The following MFN2 variants were observed in gnomAD, a reference collection of about 807,000 sequenced individuals.
The protein encoded by MFN2 is mitofusin-2.
In MFN2, 43 loss-of-function variants were observed where a neutral mutation model predicts 87.5. The observed-to-expected ratio is 0.49, with a 90% confidence interval of 0.38 to 0.63. The LOEUF (loss-of-function observed/expected upper bound fraction) is 0.63. MFN2 is among the 30% of genes least tolerant of loss of function. MFN2 has a pLI of 0.00. For synonymous variants in MFN2, 337 were observed against 359.9 expected (o/e 0.94, Z 0.72); for missense variants, 743 against 972.8 (o/e 0.76, Z 3.14).
In MFN2 at chr1:12,005,852, C is replaced by G; in HGVS notation, c.1637C>G (p.Ser546Cys). 1.2e-6 allele frequency: 2 copies of G among 1,614,218 alleles called. No homozygotes were observed. Among genetic ancestry groups the G allele is most frequent in the Non-Finnish European group, 1.7e-6 (2 of 1,180,046 alleles). ...DFQEDIEFHF[S>C]LGWTMLVNRF... is the part of the protein sequence containing the mutation. Reference sequence around the variant, plus strand: ...CAGGAAGACATTGAGTTCCATTTCTCTCTCGGATGGACCATGCTGGTGAAT... The same window carrying G: ...CAGGAAGACATTGAGTTCCATTTCTGTCTCGGATGGACCATGCTGGTGAAT... The change falls in exon 15 of 19, where the codon TCT becomes TGT. Residue 546 changes from serine to cysteine, a missense_variant. Ser to Cys is a moderately radical substitution (Grantham distance 112). This residue lies in a region of MFN2 where 571 missense variants were observed against 670.7 expected (regional missense o/e 0.85). Transcript: ENST00000235329.
chr1:12,010,015 G>T (rs1242102716), intron 18 of MFN2, among the ~76,000 whole-genome samples: 12 of 152,206 alleles, frequency 7.9e-5, no homozygotes. Flanking sequence ...TTAGCTGGTC[G>T]TGGTGGTGTG....
rs776248244 is a variant in MFN2, at chr1:11,980,503, C to T, written c.-150+19C>T. ...GGTGAAGGTGAGAGGGCGAGCAAGC[C>T]GGGGTGGCGGGGACTGGCCCGGCCC... On this transcript the variant is annotated intron_variant, in intron 1 of 18. Coordinates refer to ENST00000235329, the MANE Select transcript of MFN2 (RefSeq NM_014874.4). 30 of 398,134 alleles carry T rather than the reference C, an allele frequency of 7.5e-5. No individual in the cohort carries two copies. The highest frequency in any genetic ancestry group is 4.5e-4 in the African/African-American group (22 of 48,594). The allele number at this position is 398,134 out of a possible 1,614,324, so 24.7% of individuals were successfully genotyped here.
rs2100832631 is a variant in MFN2 at position 11,999,047 on chromosome 1, G to A, written c.768G>A (p.Leu256=). 6.2e-7 allele frequency: 1 copy of A among 1,614,154 alleles called. No individual in the cohort carries two copies. The highest frequency in any genetic ancestry group is 1.6e-4 in the Middle Eastern group (1 of 6,062). The change falls in exon 8 of 19, where the codon CTG becomes CTA. Residue 256 remains leucine (L), a synonymous_variant. Coordinates refer to ENST00000235329, the MANE Select transcript of MFN2 (RefSeq NM_014874.4). ...ERLSRPNIFI[L]NNRWDASASE... is the part of the protein sequence containing the mutation. ...TCTCCCGGCCAAACATCTTCATCCT[G>A]AACAACCGCTGGGATGCATCTGCCT...
In MFN2 at chr1:12,004,738, G is replaced by T; in HGVS notation, c.1393-87G>T. The T allele has an allele frequency of 6.6e-7, 1 of 1,508,872 alleles. No individual in the cohort carries two copies. Among genetic ancestry groups the T allele is most frequent in the Middle Eastern group, 1.7e-4 (1 of 5,842 alleles). The allele number at this position is 1,508,872 out of a possible 1,614,324, so 93.5% of individuals were successfully genotyped here. A position where few individuals can be genotyped will look rare whatever the true frequency, so the allele number is the denominator to read the frequency against. On this transcript the variant is annotated intron_variant, in intron 13 of 18. Coordinates refer to ENST00000235329, the MANE Select transcript of MFN2 (RefSeq NM_014874.4). The surrounding 1 kb of genome is among the most constrained non-coding windows in gnomAD (Gnocchi z 4.2). ...CCACAGAGACAAGGCCCAGGCTTCCGTCAGCCTTCTGGGGTCACCTGGTGG... is the reference window on the plus strand; with the variant it reads ...CCACAGAGACAAGGCCCAGGCTTCCTTCAGCCTTCTGGGGTCACCTGGTGG...
intron 5 of MFN2, among the ~76,000 whole-genome samples, chr1:11,996,918 A>T (rs898903694): frequency 2.0e-5 from 3 of 152,042 alleles, no homozygotes; most frequent in Admixed American, 2.0e-4. Flanking sequence ...GGCACCTGTA[A>T]TCCCAGCTAG....
Position 12,006,978 on chromosome 1 carries a change from C to G in MFN2, c.1873-75C>G, listed in dbSNP as rs993803563. On this transcript the variant is annotated intron_variant, in intron 16 of 18. Transcript: ENST00000235329. The stretch of plus-strand genomic sequence containing the variant: ...TCCTTGGCTGGGGCCCTTCAGATGG[C>G]CCTGGTAGTGATGGGCCCCAGAGGA... The G allele has an allele frequency of 4.5e-6, 7 of 1,571,122 alleles. No homozygotes were observed. The African/African-American group carries it at 8.1e-5, about 18-fold the overall frequency.
chr1:12,002,701 G>C (rs1263825026), intron 11 of MFN2, among the ~76,000 whole-genome samples: 2 of 152,100 alleles, frequency 1.3e-5, no homozygotes, highest in East Asian at 3.9e-4. Flanking sequence ...AGAATAATAT[G>C]AAAACACCTT....
Position 12,013,431 on chromosome 1 carries a change from G to C in MFN2, c.*1866G>C, listed in dbSNP as rs181672026. On this transcript the variant is annotated 3_prime_UTR_variant, in exon 19 of 19. Transcript: ENST00000235329. ...AGTGAGTTTTCTCTGATGTATTTAA[G>C]GTGATGTATTTGCTTGAGTTACTCC... 4.3e-6 allele frequency: 2 copies of C among 463,550 alleles called. No homozygotes were observed. Among genetic ancestry groups the C allele is most frequent in the East Asian group, 1.4e-4 (2 of 14,322 alleles). 28.7% of individuals were successfully genotyped at this position (463,550 alleles called of 1,614,324 possible). A position where few individuals can be genotyped will look rare whatever the true frequency, so the allele number is the denominator to read the frequency against.
chr1:11,983,598 C>G (rs1056906767), intron 2 of MFN2, among the ~76,000 whole-genome samples: 8 of 152,176 alleles, frequency 5.3e-5, no homozygotes, highest in Admixed American at 4.6e-4. Flanking sequence ...ATGGTCCCCA[C>G]GTGCCTGTGG....
intron 10 of MFN2, 22 bp from the exon 11 acceptor site, chr1:12,001,960 T>G (rs6680984): frequency 6.2e-7 from 1 of 1,614,094 alleles, no homozygotes; most frequent in East Asian, 2.2e-5. Context: ...CCCACCTCCC[T>G]CCGTGCCTCT....
intron 4 of MFN2, 142 bp from the exon 5 acceptor site, chr1:11,996,014 T>A (rs1638892000): frequency 2.0e-6 from 2 of 1,003,610 alleles, no homozygotes; most frequent in African/African-American, 3.2e-5. Context: ...AAACAGTGCC[T>A]ACTCTTTGTC....
chr1:11,990,409 G>T (rs1043935672), intron 3 of MFN2, among the ~76,000 whole-genome samples: 5 of 152,220 alleles, frequency 3.3e-5, no homozygotes, highest in African/African-American at 1.2e-4. Flanking sequence ...CTGTTTATCA[G>T]TGGCTATGGT....
In MFN2 at chr1:12,013,191, T is replaced by C; in HGVS notation, c.*1626T>C. On this transcript the variant is annotated 3_prime_UTR_variant, in exon 19 of 19. Coordinates refer to ENST00000235329, the MANE Select transcript of MFN2 (RefSeq NM_014874.4). The stretch of plus-strand genomic sequence containing the variant: ...CAATTCCAATGGATTTTGTGCTCTT[T>C]TTGAAAAAAAAAAATTCTTTAGCGT... 1 of 347,854 alleles carries C rather than the reference T, an allele frequency of 2.9e-6. No homozygotes were observed. Among genetic ancestry groups the C allele is most frequent in the Non-Finnish European group, 5.7e-6 (1 of 175,474 alleles). The allele number at this position is 347,854 out of a possible 1,614,324, so 21.5% of individuals were successfully genotyped here.
intron 17 of MFN2, among the ~76,000 whole-genome samples, chr1:12,007,811 A>G (rs909817974): frequency 5.3e-5 from 8 of 151,474 alleles, no homozygotes; most frequent in Admixed American, 3.3e-4. Context: ...GTGTTTTGGC[A>G]GGGTCATAGG....
chr1:11,996,010 T>C lies in MFN2; in HGVS notation c.312-146T>C, dbSNP rs117309840. On this transcript the variant is annotated intron_variant, in intron 4 of 18. Coordinates refer to ENST00000235329, the MANE Select transcript of MFN2 (RefSeq NM_014874.4). ...GGTGTTTATTCATTTTAATAAACAG[T>C]GCCTACTCTTTGTCTCTCAGCACTG... 2,728 of 956,858 alleles carry C rather than the reference T, an allele frequency of 2.9e-3. 47 individuals are homozygous for C. The East Asian group carries it at 0.036, about 13-fold the overall frequency. 59.3% of individuals were successfully genotyped at this position (956,858 alleles called of 1,614,324 possible).
At chr1:11,986,516 AG>A (rs1188319942) in intron 2 of MFN2, among the ~76,000 whole-genome samples, 1 of 151,398 alleles carries the variant, frequency 6.6e-6, no homozygotes, top group Non-Finnish European at 1.5e-5. Flanking sequence ...GGGACCTGGC[AG>A]GGGTCCACTT....
chr1:12,009,061 G>A (rs979173916), intron 17 of MFN2, among the ~76,000 whole-genome samples: 14 of 152,236 alleles, frequency 9.2e-5, no homozygotes, highest in Non-Finnish European at 1.3e-4. Context: ...CCAGTCAGGC[G>A]TGGCGGCGCG....
intron 2 of MFN2, among the ~76,000 whole-genome samples, chr1:11,985,492 G>T (rs1638361525): frequency 1.6e-5 from 2 of 121,984 alleles, no homozygotes; most frequent in Admixed American, 9.7e-5. Flanking sequence ...TAAAGAGAGA[G>T]ACTTCGCTCT....
chr1:12,001,906 G>T, intron 10 of MFN2, 70 bp downstream of exon 10: 1 of 1,614,116 alleles, frequency 6.2e-7, no homozygotes, highest in East Asian at 2.2e-5. Flanking sequence ...GTCCCTGGCA[G>T]TGAAAACCAG....
Sources: allele counts gnomAD v4.1 joint callset (sites outside exome capture counted in the v4.1 genomes callset), GRCh38; gene constraint gnomAD v4.1.1; regional missense constraint gnomAD v4.1.1; non-coding constraint Gnocchi (gnomAD v3.1); transcripts MANE v1.5; gene names NCBI Gene and HGNC (gene_info 2026-07-23, HGNC 2026-07-21).